HEMGN: variants seen among roughly 807,000 people sequenced by gnomAD.
HEMGN encodes hemogen.
HEMGN carries 32 observed loss-of-function variants against 45.7 expected under a neutral mutation model. That is an observed-to-expected ratio of 0.70 (90% CI 0.53 to 0.94). The LOEUF is 0.94. HEMGN is among the 40% of genes least tolerant of loss of function. HEMGN has a pLI of 0.00. For missense variants in HEMGN, 530 were observed against 564.2 expected, an observed-to-expected ratio of 0.94 and a Z score of 0.61; for synonymous variants, 183 against 178.6, an observed-to-expected ratio of 1.02 and a Z score of -0.20.
upstream of HEMGN, chr9:97,938,296 A>G: frequency 1.6e-6 from 1 of 614,076 alleles, no homozygotes; most frequent in South Asian, 2.0e-5. Context: ...TGGTTGGACC[A>G]CAACTGCAGG....
In HEMGN at chr9:97,927,363, C is replaced by A. The variant is rs748686198; in HGVS notation, c.*21G>T. 5.6e-6 allele frequency: 8 copies of A among 1,422,544 alleles called. No homozygotes were observed. Among genetic ancestry groups the A allele is most frequent in the Non-Finnish European group, 7.8e-6 (8 of 1,019,562 alleles). The allele number at this position is 1,422,544 out of a possible 1,614,324, so 88.1% of individuals were successfully genotyped here. On this transcript the variant is annotated 3_prime_UTR_variant, in exon 4 of 4. Transcript: ENST00000616898. The stretch of plus-strand genomic sequence containing the variant: ...TTAAGCTGTATGTTCCATTGGACCA[C>A]AACTTTATGGTTGAGCATTGTTAAA...
Position 97,931,033 on chromosome 9 carries a change from A to G in HEMGN, c.362T>C (p.Val121Ala), listed in dbSNP as rs748934699. Residue 121 changes from valine (V) to alanine (A), a missense_variant, in exon 3 of 4, where the codon GTA becomes GCA. Val to Ala is a moderately conservative substitution (Grantham distance 64, BLOSUM62 0). Transcript: ENST00000616898. ...PGSITKVFPS[V>A]ASPQKVVPEE... Reference sequence around the variant, plus strand: ...AGGCACAACTTTTTGCGGGGAGGCTACTGAAGGAAATACTTTGGTTATGCT... The same window carrying G: ...AGGCACAACTTTTTGCGGGGAGGCTGCTGAAGGAAATACTTTGGTTATGCT... The G allele has an allele frequency of 3.1e-6, 5 of 1,614,162 alleles. No individual in the cohort carries two copies. The South Asian group carries it at 4.4e-5, about 14-fold the overall frequency.
upstream of HEMGN, chr9:97,938,445 C>T (rs2131557911): frequency 4.1e-6 from 1 of 246,380 alleles, no homozygotes; most frequent in East Asian, 8.3e-5. Context: ...CTAGTCAGCA[C>T]TCTTTTGGTT....
chr9:97,928,183 C>T (rs1323946595), intron 3 of HEMGN, among the ~76,000 whole-genome samples: 1 of 152,094 alleles, frequency 6.6e-6, no homozygotes, highest in African/African-American at 2.4e-5. Context: ...CCCGCCACCG[C>T]GCCCGGCTAA....
chr9:97,929,499 T>C lies in HEMGN; in HGVS notation c.1360+536A>G, dbSNP rs1255521672. On this transcript the variant is annotated intron_variant, in intron 3 of 3. Transcript: ENST00000616898. ...AAAGAAAGGTTGCATTATTTTCAAA[T>C]TCCTATACTTAGGAAAAAGTTTTTC... Among the ~76,000 whole-genome samples, 3 of 152,220 alleles carry C rather than the reference T, an allele frequency of 2.0e-5. No individual in the cohort carries two copies. The South Asian group carries it at 6.2e-4, about 31-fold the overall frequency.
Position 97,930,680 on chromosome 9 carries a change from G to T in HEMGN, c.715C>A (p.Pro239Thr), listed in dbSNP as rs552975476. 9 of 1,614,126 alleles carry T rather than the reference G, an allele frequency of 5.6e-6. No homozygotes were observed. In the East Asian group the frequency reaches 2.0e-4, roughly 36 times the overall value. ...APKMCQEAAVPKILPCPTSED... is the reference protein window; with the variant it reads ...APKMCQEAAVTKILPCPTSED... Reference sequence around the variant, plus strand: ...GATGTTGGACAAGGAAGGATTTTGGGTACAGCAGCTTCTTGGCACATTTTA... The same window carrying T: ...GATGTTGGACAAGGAAGGATTTTGGTTACAGCAGCTTCTTGGCACATTTTA... The change falls in exon 3 of 4, where the codon CCC becomes ACC. Residue 239 changes from proline to threonine, a missense_variant. By Grantham distance (38) the Pro-to-Thr change is conservative. Transcript: ENST00000616898.
chr9:97,930,014 G>C (rs768310083), intron 3 of HEMGN, 21 bp downstream of exon 3: 1 of 1,564,630 alleles, frequency 6.4e-7, no homozygotes, highest in South Asian at 1.1e-5. Context: ...TACCTACCTT[G>C]GTGCTATAAA....
chr9:97,933,355 A>C (rs1261483472), intron 2 of HEMGN, among the ~76,000 whole-genome samples: 1 of 152,226 alleles, frequency 6.6e-6, no homozygotes, highest in African/African-American at 2.4e-5. Context: ...TATAATCTTC[A>C]CATCAGTCTA....
chr9:97,935,008 A>G (rs925492411), intron 2 of HEMGN, among the ~76,000 whole-genome samples: 1 of 152,178 alleles, frequency 6.6e-6, no homozygotes, highest in African/African-American at 2.4e-5. Context: ...CTCTCTGAGG[A>G]GGGAACCCTG....
upstream of HEMGN, chr9:97,938,173 T>C (rs1827096780): frequency 7.4e-7 from 1 of 1,357,672 alleles, no homozygotes; most frequent in Non-Finnish European, 1.0e-6. Flanking sequence ...TGGTCTGACT[T>C]CCACAAGCAG....
intron 1 of HEMGN, among the ~76,000 whole-genome samples, chr9:97,937,374 C>G (rs1407154735): frequency 6.6e-6 from 1 of 152,062 alleles, no homozygotes; most frequent in African/African-American, 2.4e-5. Context: ...CTCTCCCTCC[C>G]CCTCAGCATA....
chr9:97,929,940 T>G, intron 3 of HEMGN, 95 bp downstream of exon 3: 1 of 875,676 alleles, frequency 1.1e-6, no homozygotes, highest in South Asian at 1.7e-5. Flanking sequence ...CAGTATCCAT[T>G]GAAATAACAG....
intron 2 of HEMGN, among the ~76,000 whole-genome samples, chr9:97,935,910 G>A (rs1370708777): frequency 1.3e-5 from 2 of 152,066 alleles, no homozygotes; most frequent in African/African-American, 2.4e-5. Flanking sequence ...AATATAATTC[G>A]GTTGCTCAGT....
chr9:97,940,259 C>T (rs953834792), upstream of HEMGN, among the ~76,000 whole-genome samples: 2 of 152,090 alleles, frequency 1.3e-5, no homozygotes, highest in African/African-American at 4.8e-5. Flanking sequence ...CCTGTAGGCT[C>T]ATAGAGGAGA....
chr9:97,939,994 G>GT (rs1219228674), upstream of HEMGN, among the ~76,000 whole-genome samples: 8 of 152,208 alleles, frequency 5.3e-5, no homozygotes, highest in South Asian at 4.2e-4. Context: ...ACAAAATAGT[G>GT]TTTTTTTAAA....
upstream of HEMGN, chr9:97,938,229 A>T: frequency 2.5e-6 from 2 of 805,220 alleles, no homozygotes; most frequent in Non-Finnish European, 4.2e-6. Flanking sequence ...CACTTAAAAA[A>T]AAAAACCACA....
At chr9:97,940,479 A>T (rs1286761103), upstream of HEMGN, among the ~76,000 whole-genome samples, 6 of 152,018 alleles carry the variant, frequency 3.9e-5, no homozygotes, top group Non-Finnish European at 8.8e-5. Context: ...AGCAAACTAG[A>T]TTGGAAGTCA....
At chr9:97,942,901 G>A (rs1054436062), upstream of HEMGN, among the ~76,000 whole-genome samples, 1 of 152,164 alleles carries the variant, frequency 6.6e-6, no homozygotes, top group Non-Finnish European at 1.5e-5. Context: ...AAAAATTATA[G>A]CGCCTCCAAA....
Position 97,927,115 on chromosome 9 carries a change from G to A in HEMGN, c.*269C>T, listed in dbSNP as rs563852069. 8 of 254,666 alleles carry A rather than the reference G, an allele frequency of 3.1e-5. No homozygotes were observed. The highest frequency in any genetic ancestry group is 1.1e-4 in the African/African-American group (5 of 44,690). 15.8% of individuals were successfully genotyped at this position (254,666 alleles called of 1,614,324 possible). ...GAAAACCAATTATCCAGTCCTCCCC[G>A]CTTCCTTATTTGTCTGTTCCCACCA... On this transcript the variant is annotated 3_prime_UTR_variant, in exon 4 of 4. Transcript: ENST00000616898.
Sources: gnomAD v4.1 joint callset for allele counts (sites outside exome capture counted in the v4.1 genomes callset) on GRCh38, gnomAD v4.1.1 for gene constraint, MANE v1.5 for transcripts, NCBI Gene and HGNC (gene_info 2026-07-23, HGNC 2026-07-21) for gene names.